The following MYO3B variants were observed in gnomAD, a reference collection of about 807,000 sequenced individuals.
MYO3B encodes myosin IIIB, also known as myosin-IIIb.
A neutral mutation model predicts 174.6 loss-of-function variants in MYO3B; 156 were observed. The ratio of observed to expected loss-of-function variants is 0.89; its 90% CI spans 0.78 to 1.02. The LOEUF (loss-of-function observed/expected upper bound fraction) is 1.02, where lower values mean the gene tolerates loss of function less well. MYO3B is among the 50% of genes least tolerant of loss of function. The pLI is 0.00. For synonymous variants in MYO3B, 563 were observed against 569.1 expected (o/e 0.99, Z 0.15); for missense variants, 1,632 against 1,639.4 (o/e 1.00, Z 0.08).
chr2:170,576,816 G>A (rs1347400561), intron 32 of MYO3B, among the ~76,000 whole-genome samples: 1 of 152,072 alleles, frequency 6.6e-6, no homozygotes, highest in Non-Finnish European at 1.5e-5. Context: ...TCTTTGCCTG[G>A]CAAGGTGAGC....
chr2:170,459,761 G>A (rs941848211), intron 23 of MYO3B, among the ~76,000 whole-genome samples: 17 of 152,154 alleles, frequency 1.1e-4, no homozygotes, highest in African/African-American at 3.9e-4. Flanking sequence ...GGCGGGCTGC[G>A]GGTCCTGAGC....
chr2:170,633,301 C>A (rs1440737275), intron 32 of MYO3B, among the ~76,000 whole-genome samples: 1 of 152,204 alleles, frequency 6.6e-6, no homozygotes, highest in East Asian at 1.9e-4. Context: ...TCCCTGGATG[C>A]AAGGCTGGTT....
At chr2:170,213,877 C>G (rs577499847) in intron 3 of MYO3B, among the ~76,000 whole-genome samples, 2 of 152,266 alleles carry the variant, frequency 1.3e-5, no homozygotes, top group East Asian at 3.9e-4. Flanking sequence ...GCTGGTTGGG[C>G]TTCTGATACG....
chr2:170,399,199 G>T (rs1288600234), intron 16 of MYO3B, among the ~76,000 whole-genome samples: 1 of 132,076 alleles, frequency 7.6e-6, no homozygotes, highest in Non-Finnish European at 1.6e-5. Context: ...CCGAGATCGC[G>T]CCATTGCACT....
At chr2:170,383,480 G>A (rs1410400667) in intron 11 of MYO3B, among the ~76,000 whole-genome samples, 1 of 152,162 alleles carries the variant, frequency 6.6e-6, no homozygotes, top group South Asian at 2.1e-4. Context: ...AACCTAGTTG[G>A]CAGACAGGGA....
At chr2:170,568,257 G>C (rs1013453896) in intron 32 of MYO3B, among the ~76,000 whole-genome samples, 7 of 152,254 alleles carry the variant, frequency 4.6e-5, no homozygotes, top group African/African-American at 1.7e-4. Context: ...GGCAGAAAGA[G>C]TGTGGTATAT....
chr2:170,181,940 G>GT (rs199794927), intron 1 of MYO3B, among the ~76,000 whole-genome samples: 3,404 of 152,170 alleles, frequency 0.022, 60 homozygotes, highest in Non-Finnish European at 0.028. Context: ...GAGACAAATG[G>GT]TATCTCATTA....
intron 6 of MYO3B, among the ~76,000 whole-genome samples, chr2:170,233,722 C>T (rs944605085): frequency 1.3e-5 from 2 of 152,164 alleles, no homozygotes; most frequent in African/African-American, 4.8e-5. Context: ...GAGTACAGGG[C>T]AATTATGAGA....
chr2:170,580,790 CT>C (rs1693096429), intron 32 of MYO3B, among the ~76,000 whole-genome samples: 1 of 145,022 alleles, frequency 6.9e-6, no homozygotes, highest in East Asian at 2.0e-4. Flanking sequence ...TGTTTTTAAT[CT>C]TTGTATAAAT....
chr2:170,517,091 A>G (rs1358822445), intron 29 of MYO3B, among the ~76,000 whole-genome samples: 2 of 152,184 alleles, frequency 1.3e-5, no homozygotes, highest in African/African-American at 4.8e-5. Flanking sequence ...CCTTGAATTC[A>G]GTGGTTTGAT....
At chr2:170,650,674 T>G (rs1000497372) in intron 32 of MYO3B, among the ~76,000 whole-genome samples, 1 of 53,178 alleles carries the variant, frequency 1.9e-5, no homozygotes, top group South Asian at 5.2e-4. Context: ...AATTATGACT[T>G]TTTTTTTTTT....
intron 25 of MYO3B, among the ~76,000 whole-genome samples, chr2:170,497,953 A>G (rs1206778651): frequency 2.8e-5 from 4 of 143,462 alleles, no homozygotes; most frequent in East Asian, 2.0e-4. Flanking sequence ...CTCAGAAAAA[A>G]AAAAAAAAAA....
chr2:170,594,303 A>T (rs149012198), intron 32 of MYO3B, among the ~76,000 whole-genome samples: 307 of 151,986 alleles, frequency 2.0e-3, no homozygotes, highest in African/African-American at 7.0e-3. Context: ...GTACGAAGTT[A>T]AAAAAAAGTA....
chr2:170,281,630 G>A (rs568334867), intron 7 of MYO3B, among the ~76,000 whole-genome samples: 6 of 152,004 alleles, frequency 3.9e-5, no homozygotes, highest in Admixed American at 6.6e-5. Context: ...AAATGCCCAC[G>A]TCAAAAAGTT....
intron 8 of MYO3B, 55 bp from the exon 9 acceptor site, chr2:170,369,167 G>A: frequency 6.5e-7 from 1 of 1,540,456 alleles, no homozygotes; most frequent in Non-Finnish European, 8.8e-7. Context: ...ATATTCATAG[G>A]GGAACAGGGT....
chr2:170,646,873 C>T (rs1434388408), intron 32 of MYO3B: 4 of 1,308,412 alleles, frequency 3.1e-6, no homozygotes, highest in African/African-American at 1.5e-5. Flanking sequence ...TTCAGTATCT[C>T]GTTTTCTAAC....
At chr2:170,558,255 C>T (rs1003560484) in intron 32 of MYO3B, among the ~76,000 whole-genome samples, 1 of 151,454 alleles carries the variant, frequency 6.6e-6, no homozygotes, top group Non-Finnish European at 1.5e-5. Flanking sequence ...GAGCTGAGAT[C>T]GTACCACTGT....
intron 7 of MYO3B, among the ~76,000 whole-genome samples, chr2:170,314,570 T>C (rs1281065656): frequency 6.6e-6 from 1 of 152,220 alleles, no homozygotes; most frequent in East Asian, 1.9e-4. Context: ...AGGGGTAGTA[T>C]ATACAAAAAT....
At chr2:170,392,550 G>T in intron 16 of MYO3B, 55 bp downstream of exon 16, 1 of 1,136,134 alleles carries the variant, frequency 8.8e-7, no homozygotes. Flanking sequence ...ATGAATGTGA[G>T]TAAAGATGTG....
Sources: allele counts gnomAD v4.1 joint callset (sites outside exome capture counted in the v4.1 genomes callset), GRCh38; gene constraint gnomAD v4.1.1; transcripts MANE v1.5; gene names NCBI Gene and HGNC (gene_info 2026-07-23, HGNC 2026-07-21).